The following RANBP2 variants were observed in gnomAD, a reference collection of about 807,000 sequenced individuals.
RANBP2 encodes the protein RAN binding protein 2.
A neutral mutation model predicts 303.6 loss-of-function variants in RANBP2; 57 were observed. That is an observed-to-expected ratio of 0.19 (90% CI 0.15 to 0.23). The LOEUF (loss-of-function observed/expected upper bound fraction) is 0.23. Ranked by LOEUF, RANBP2 falls within the 10% of genes least tolerant of loss-of-function variation. The pLI, the probability that RANBP2 is intolerant of heterozygous loss-of-function variation, is 1.00. For missense variants in RANBP2, 3,138 were observed against 3,780.8 expected, an observed-to-expected ratio of 0.83 and a Z score of 4.46; for synonymous variants, 1,167 against 1,301.5, an observed-to-expected ratio of 0.90 and a Z score of 2.23.
the RANBP2 span, among the ~76,000 whole-genome samples, chr2:109,674,410 C>CAAAAA: frequency 1.2e-3 from 87 of 75,212 alleles, 1 homozygote; most frequent in African/African-American, 3.9e-3. Context: ...CTTGTGTCTC[C>CAAAAA]AAAAAAAAAA....
chr2:108,777,761 G>T (rs924344181), intron 25 of RANBP2, among the ~76,000 whole-genome samples: 1 of 151,854 alleles, frequency 6.6e-6, no homozygotes, highest in African/African-American at 2.4e-5. Context: ...GATTGTATCC[G>T]GTTTACTAGT....
chr2:109,383,198 C>T, the RANBP2 span, among the ~76,000 whole-genome samples: 4 of 152,318 alleles, frequency 2.6e-5, no homozygotes, highest in Admixed American at 1.3e-4. Flanking sequence ...GCACTGGGTG[C>T]CTGTAGGATG....
At chr2:109,163,676 G>A in the RANBP2 span, among the ~76,000 whole-genome samples, 1 of 152,118 alleles carries the variant, frequency 6.6e-6, no homozygotes, top group African/African-American at 2.4e-5. Flanking sequence ...TGGGATTACA[G>A]GCGTGAGCCA....
At chr2:109,021,094 G>A in the RANBP2 span, among the ~76,000 whole-genome samples, 1 of 152,190 alleles carries the variant, frequency 6.6e-6, no homozygotes, top group Admixed American at 6.5e-5. Flanking sequence ...CGGTGGGAAT[G>A]CTTCTTGGGC....
At chr2:108,994,249 T>C in the RANBP2 span, among the ~76,000 whole-genome samples, 3 of 152,168 alleles carry the variant, frequency 2.0e-5, no homozygotes, top group Non-Finnish European at 4.4e-5. Context: ...CCTCCATGGA[T>C]GAAGGAAAGC....
At chr2:108,793,873 A>T in the RANBP2 span, among the ~76,000 whole-genome samples, 3 of 151,794 alleles carry the variant, frequency 2.0e-5, no homozygotes, top group Non-Finnish European at 4.4e-5. Flanking sequence ...AAGTGCTGGG[A>T]TTATAGGCGT....
chr2:109,568,174 G>C, the RANBP2 span, among the ~76,000 whole-genome samples: 1 of 152,010 alleles, frequency 6.6e-6, no homozygotes, highest in African/African-American at 2.4e-5. Context: ...CCATTTGCTT[G>C]TGTACTGTCT....
chr2:109,238,285 G>C, the RANBP2 span, among the ~76,000 whole-genome samples: 346 of 152,238 alleles, frequency 2.3e-3, 3 homozygotes, highest in African/African-American at 6.8e-3. Context: ...CAGGATACCA[G>C]ATGGCAAGTA....
At chr2:109,696,322 A>C in the RANBP2 span, among the ~76,000 whole-genome samples, 1 of 152,320 alleles carries the variant, frequency 6.6e-6, no homozygotes, top group Non-Finnish European at 1.5e-5. Context: ...TATATCTGAT[A>C]TTTAGGTCTA....
chr2:108,730,497 T>G (rs1558875285), intron 2 of RANBP2, among the ~76,000 whole-genome samples: 1 of 152,102 alleles, frequency 6.6e-6, no homozygotes, highest in African/African-American at 2.4e-5. Flanking sequence ...AAAAAGCAAT[T>G]TATATGTTCA....
At chr2:109,347,721 G>A in the RANBP2 span, 6 of 1,613,888 alleles carry the variant, frequency 3.7e-6, no homozygotes, top group Middle Eastern at 9.9e-4. Context: ...GCTACGAGGG[G>A]AAGGAACCTG....
At chr2:108,933,009 G>A in the RANBP2 span, among the ~76,000 whole-genome samples, 1 of 152,152 alleles carries the variant, frequency 6.6e-6, no homozygotes, top group Admixed American at 6.5e-5. Context: ...GCAGAATCCT[G>A]GCAGGGCCTT....
chr2:109,496,559 G>A, the RANBP2 span, among the ~76,000 whole-genome samples: 8 of 152,198 alleles, frequency 5.3e-5, no homozygotes, highest in East Asian at 7.7e-4. Context: ...CCTGCAGCAC[G>A]GCCTGGCCGA....
the RANBP2 span, among the ~76,000 whole-genome samples, chr2:109,607,099 G>A: frequency 8.5e-5 from 13 of 152,180 alleles, no homozygotes; most frequent in Non-Finnish European, 1.6e-4. Context: ...CCATCGCTTC[G>A]TTTACTATTT....
At chr2:108,951,514 T>C in the RANBP2 span, among the ~76,000 whole-genome samples, 1 of 152,158 alleles carries the variant, frequency 6.6e-6, no homozygotes, top group African/African-American at 2.4e-5. Context: ...GAGGGGCTTA[T>C]TCTTGTCAAA....
the RANBP2 span, among the ~76,000 whole-genome samples, chr2:109,658,772 G>A: frequency 6.6e-6 from 1 of 150,928 alleles, no homozygotes; most frequent in Admixed American, 6.6e-5. Context: ...CTCTACTAAA[G>A]AAACAAAAAA....
chr2:108,929,039 C>T, the RANBP2 span, among the ~76,000 whole-genome samples: 23 of 152,318 alleles, frequency 1.5e-4, no homozygotes, highest in Non-Finnish European at 2.4e-4. Flanking sequence ...GACTCTCCGT[C>T]CTGGATGCTG....
At chr2:109,079,321 C>T in the RANBP2 span, among the ~76,000 whole-genome samples, 169 of 152,214 alleles carry the variant, frequency 1.1e-3, no homozygotes, top group African/African-American at 3.7e-3. Context: ...ACTCAATACA[C>T]GTAAGATACA....
chr2:109,147,851 A>G, the RANBP2 span, among the ~76,000 whole-genome samples: 3 of 152,364 alleles, frequency 2.0e-5, no homozygotes, highest in Non-Finnish European at 2.9e-5. Context: ...ATGCATATGC[A>G]TTTCCATATA....
Sources: allele counts gnomAD v4.1 joint callset (sites outside exome capture counted in the v4.1 genomes callset), GRCh38; gene constraint gnomAD v4.1.1; transcripts MANE v1.5; gene names NCBI Gene and HGNC (gene_info 2026-07-23, HGNC 2026-07-21).